The following MDGA2 variants were observed in gnomAD, a reference collection of about 807,000 sequenced individuals.
The protein encoded by MDGA2 is MAM domain-containing glycosylphosphatidylinositol anchor protein 2.
MDGA2 carries 40 observed loss-of-function variants against 117.8 expected under a neutral mutation model. The ratio of observed to expected loss-of-function variants is 0.34; its 90% confidence interval spans 0.26 to 0.44. The LOEUF (loss-of-function observed/expected upper bound fraction) is 0.44, where lower values mean the gene tolerates loss of function less well. MDGA2 is among the 20% of genes least tolerant of loss of function. MDGA2 has a pLI of 1.00. For missense variants in MDGA2, 1,123 were observed against 1,250.6 expected, an observed-to-expected ratio of 0.90 and a Z score of 1.54; for synonymous variants, 452 against 439.0, an observed-to-expected ratio of 1.03 and a Z score of -0.37.
At chr14:46,902,669 C>T (rs938535775) in intron 10 of MDGA2, among the ~76,000 whole-genome samples, 1 of 152,094 alleles carries the variant, frequency 6.6e-6, no homozygotes, top group African/African-American at 2.4e-5. Context: ...TTCCTTCCCA[C>T]GATTTGTCTA....
chr14:47,598,981 T>C (rs1277668221), intron 1 of MDGA2, among the ~76,000 whole-genome samples: 1 of 152,054 alleles, frequency 6.6e-6, no homozygotes, highest in Non-Finnish European at 1.5e-5. Flanking sequence ...CTAGACACAA[T>C]ACCTAGTGAA....
intron 8 of MDGA2, among the ~76,000 whole-genome samples, chr14:46,982,003 T>C (rs2138385087): frequency 6.6e-6 from 1 of 152,322 alleles, no homozygotes; most frequent in African/African-American, 2.4e-5. Flanking sequence ...TTGAGCAATA[T>C]GTGATATGCA....
intron 7 of MDGA2, among the ~76,000 whole-genome samples, chr14:47,042,317 T>TG (rs1376577309): frequency 6.0e-4 from 60 of 99,238 alleles, no homozygotes; most frequent in African/African-American, 1.4e-3. Context: ...TCTATGTTTT[T>TG]TTTTTTTTTT....
chr14:47,160,047 G>A (rs892248376), intron 3 of MDGA2, among the ~76,000 whole-genome samples: 2 of 152,066 alleles, frequency 1.3e-5, no homozygotes, highest in African/African-American at 2.4e-5. Flanking sequence ...TGAATGTTGT[G>A]TCACTTCGAG....
chr14:47,544,550 G>GT (rs1392784804), intron 1 of MDGA2, among the ~76,000 whole-genome samples: 1 of 152,060 alleles, frequency 6.6e-6, no homozygotes, highest in Admixed American at 6.6e-5. Flanking sequence ...TATGCTGTTT[G>GT]TTTTTTTGTG....
chr14:46,843,043 C>T (rs1291198687), intron 16 of MDGA2, among the ~76,000 whole-genome samples: 2 of 151,914 alleles, frequency 1.3e-5, no homozygotes, highest in Non-Finnish European at 1.5e-5. Context: ...ATTTATTTCC[C>T]CTAATTTATA....
At chr14:47,332,176 G>A (rs558922797) in intron 1 of MDGA2, among the ~76,000 whole-genome samples, 1 of 152,052 alleles carries the variant, frequency 6.6e-6, no homozygotes, top group South Asian at 2.1e-4. Context: ...TTCCATACAA[G>A]GTGATCATAT....
At chr14:47,460,682 G>T (rs1479660281) in intron 1 of MDGA2, among the ~76,000 whole-genome samples, 1 of 152,058 alleles carries the variant, frequency 6.6e-6, no homozygotes, top group Non-Finnish European at 1.5e-5. Flanking sequence ...TAGAAGATGG[G>T]ATATTACATA....
intron 1 of MDGA2, among the ~76,000 whole-genome samples, chr14:47,310,543 T>C (rs139898284): frequency 1.2e-3 from 179 of 152,260 alleles, no homozygotes; most frequent in Non-Finnish European, 2.1e-3. Flanking sequence ...AAGGTAAATA[T>C]TGTAGGGAAC....
intron 9 of MDGA2, among the ~76,000 whole-genome samples, chr14:46,947,547 A>G (rs1044102824): frequency 6.6e-6 from 1 of 151,944 alleles, no homozygotes; most frequent in Non-Finnish European, 1.5e-5. Flanking sequence ...AGGTAACTGA[A>G]TCATGGGGGC....
intron 9 of MDGA2, among the ~76,000 whole-genome samples, chr14:46,933,262 CA>C (rs1351183092): frequency 6.6e-6 from 1 of 151,776 alleles, no homozygotes. Flanking sequence ...AGACTTTACT[CA>C]CAAAATTAAT....
rs538757448 is a variant in MDGA2, at chr14:47,444,881, T to C, written c.281-143331A>G. Among the ~76,000 whole-genome samples, 20 of 152,252 alleles carry C rather than the reference T, an allele frequency of 1.3e-4. No homozygotes were observed. In the South Asian group the frequency reaches 2.1e-3, roughly 16 times the overall value. ...CAAGTTTAAAGGGAGGAGTTGTACA[T>C]TGAAATCTTCATATACCATAACCTA... On this transcript the variant is annotated intron_variant, in intron 1 of 16. Transcript: ENST00000399232.
intron 1 of MDGA2, among the ~76,000 whole-genome samples, chr14:47,325,084 A>G (rs1363360277): frequency 6.6e-6 from 1 of 151,028 alleles, no homozygotes; most frequent in Non-Finnish European, 1.5e-5. Flanking sequence ...GGAGAAAGAG[A>G]AAAAAAACTA....
chr14:46,968,367 A>G (rs1886119356), intron 8 of MDGA2, among the ~76,000 whole-genome samples: 1 of 152,156 alleles, frequency 6.6e-6, no homozygotes, highest in Admixed American at 6.5e-5. Flanking sequence ...AAAAAAATAT[A>G]ACCACATAGA....
chr14:47,545,370 G>T (rs1895441246), intron 1 of MDGA2, among the ~76,000 whole-genome samples: 1 of 152,126 alleles, frequency 6.6e-6, no homozygotes, highest in African/African-American at 2.4e-5. Flanking sequence ...TGGTCAGATA[G>T]ACTCAATATT....
chr14:46,995,896 T>C (rs2138455117), intron 8 of MDGA2, among the ~76,000 whole-genome samples: 1 of 152,052 alleles, frequency 6.6e-6, no homozygotes, highest in East Asian at 1.9e-4. Context: ...TTATATAATA[T>C]ATTTTGTGTA....
intron 5 of MDGA2, among the ~76,000 whole-genome samples, chr14:47,125,618 A>G (rs1470955359): frequency 6.6e-6 from 1 of 152,044 alleles, no homozygotes; most frequent in African/African-American, 2.4e-5. Flanking sequence ...AGAATAAGTG[A>G]GAGAGGGAGG....
intron 5 of MDGA2, among the ~76,000 whole-genome samples, chr14:47,119,344 C>T (rs1045462377): frequency 3.9e-5 from 6 of 151,946 alleles, no homozygotes; most frequent in African/African-American, 7.3e-5. Context: ...GGATTACAGG[C>T]GTGAGCCACC....
chr14:46,865,844 G>A (rs1358589155), intron 14 of MDGA2, among the ~76,000 whole-genome samples: 1 of 151,500 alleles, frequency 6.6e-6, no homozygotes, highest in Non-Finnish European at 1.5e-5. Flanking sequence ...GGGATGTGAA[G>A]GACCTCTTCA....
Sources: gnomAD v4.1 joint callset for allele counts (sites outside exome capture counted in the v4.1 genomes callset) on GRCh38, gnomAD v4.1.1 for gene constraint, MANE v1.5 for transcripts, NCBI Gene and HGNC (gene_info 2026-07-23, HGNC 2026-07-21) for gene names.